Variants in ENPP2 observed in about 807,000 individuals in gnomAD.
The protein encoded by ENPP2 is ectonucleotide pyrophosphatase/phosphodiesterase 2.
Under a neutral mutation model 120.2 loss-of-function variants are expected in ENPP2, and 51 were observed. That is an observed-to-expected ratio of 0.42 (90% CI 0.34 to 0.54). The LOEUF is 0.54. ENPP2 is among the 20% of genes least tolerant of loss of function. The pLI is 0.04. For missense variants in ENPP2, 920 were observed against 1,066.5 expected, an observed-to-expected ratio of 0.86 and a Z score of 1.91; for synonymous variants, 365 against 366.4, an observed-to-expected ratio of 1.00 and a Z score of 0.04.
chr8:119,560,289 A>G (rs939205478), intron 24 of ENPP2, among the ~76,000 whole-genome samples: 2 of 152,174 alleles, frequency 1.3e-5, no homozygotes, highest in Non-Finnish European at 2.9e-5. Context: ...CAAGTTTCTA[A>G]TAAGACTGAA....
chr8:119,617,364 C>T, intron 6 of ENPP2, 102 bp downstream of exon 6: 1 of 1,134,072 alleles, frequency 8.8e-7, no homozygotes, highest in Admixed American at 1.9e-5. Context: ...TAATAAAACA[C>T]ATTTAAAACT....
intron 19 of ENPP2, chr8:119,573,063 G>C (rs574478790): frequency 1.3e-5 from 2 of 152,310 alleles, no homozygotes; most frequent in Non-Finnish European, 2.9e-5. Context: ...TCATGGAAGA[G>C]ACATGAAGAA....
chr8:119,671,697 A>G (rs1818255311), intron 1 of ENPP2, among the ~76,000 whole-genome samples: 1 of 152,180 alleles, frequency 6.6e-6, no homozygotes, highest in South Asian at 2.1e-4. Flanking sequence ...TGGAACATCA[A>G]AGTAGAGACT....
intron 8 of ENPP2, among the ~76,000 whole-genome samples, chr8:119,611,416 T>A (rs1815099706): frequency 6.6e-6 from 1 of 150,894 alleles, no homozygotes; most frequent in African/African-American, 2.4e-5. Flanking sequence ...GGTGTGGGGG[T>A]TGGGGGAGGC....
At chr8:119,570,278 G>GAAAA (rs575977847) in intron 20 of ENPP2, among the ~76,000 whole-genome samples, 3,255 of 76,760 alleles carry the variant, frequency 0.042, 134 homozygotes, top group African/African-American at 0.12. Flanking sequence ...CAAAACATTA[G>GAAAA]AAAAAAAAAA....
At chr8:119,621,649 G>C (rs1447027659) in intron 3 of ENPP2, 130 bp from the exon 4 acceptor site, 1 of 936,028 alleles carries the variant, frequency 1.1e-6, no homozygotes, top group Non-Finnish European at 1.6e-6. Context: ...TGAAATTTGA[G>C]TTGGCTTGAG....
intron 3 of ENPP2, among the ~76,000 whole-genome samples, chr8:119,621,796 G>A (rs972906165): frequency 2.0e-5 from 3 of 152,138 alleles, no homozygotes; most frequent in African/African-American, 2.4e-5. Context: ...TACGATTCTC[G>A]AATTGTCCTA....
intron 9 of ENPP2, among the ~76,000 whole-genome samples, chr8:119,604,665 G>A (rs746627571): frequency 6.6e-5 from 10 of 151,978 alleles, no homozygotes; most frequent in Non-Finnish European, 1.5e-4. Flanking sequence ...TATAGCCCTT[G>A]TCTAGTCAAT....
intron 1 of ENPP2, among the ~76,000 whole-genome samples, chr8:119,668,730 A>G (rs919128835): frequency 6.6e-6 from 1 of 152,296 alleles, no homozygotes; most frequent in African/African-American, 2.4e-5. Context: ...CCCAGCCTCT[A>G]GACTTCTTTT....
intron 1 of ENPP2, among the ~76,000 whole-genome samples, chr8:119,653,833 G>A (rs1295871148): frequency 4.0e-5 from 6 of 151,896 alleles, no homozygotes; most frequent in Non-Finnish European, 7.4e-5. Flanking sequence ...TGAACGTGTG[G>A]CGTAGATGAG....
At position 119,599,353 on chromosome 8, in the gene ENPP2, G is replaced by T. The variant is rs1265953139; in HGVS notation, c.972+1325C>A. The stretch of plus-strand genomic sequence containing the variant: ...ACTTATGACTCCTTGGTCACATGCT[G>T]CAAGTATTGTCAAAATACTTAAGTA... On this transcript the variant is annotated intron_variant, in intron 11 of 24. Transcript: ENST00000075322. Among the ~76,000 whole-genome samples the T allele has an allele frequency of 2.6e-5, 4 of 152,112 alleles. No individual in the cohort carries two copies. In the East Asian group the frequency reaches 7.7e-4, roughly 29 times the overall value.
At chr8:119,568,075 G>T in intron 22 of ENPP2, 100 bp downstream of exon 22, 2 of 732,720 alleles carry the variant, frequency 2.7e-6, no homozygotes, top group African/African-American at 3.6e-5. Flanking sequence ...CACATGAAAA[G>T]TATTCTTATT....
intron 20 of ENPP2, 53 bp from the exon 21 acceptor site, chr8:119,569,423 T>C: frequency 1.3e-6 from 2 of 1,588,606 alleles, no homozygotes; most frequent in Non-Finnish European, 1.7e-6. Context: ...TACGAACGGC[T>C]GAAATCAAAA....
At chr8:119,560,516 G>T (rs1422691184) in intron 24 of ENPP2, among the ~76,000 whole-genome samples, 1 of 152,072 alleles carries the variant, frequency 6.6e-6, no homozygotes, top group Non-Finnish European at 1.5e-5. Context: ...CTTCCTTTTA[G>T]ATCTCCAAGA....
chr8:119,615,090 T>A (rs1815368432), intron 8 of ENPP2, among the ~76,000 whole-genome samples: 1 of 152,180 alleles, frequency 6.6e-6, no homozygotes, highest in South Asian at 2.1e-4. Context: ...AGAAAAAATT[T>A]CTATTTATAG....
chr8:119,601,264 A>G, intron 10 of ENPP2, 133 bp downstream of exon 10: 1 of 641,530 alleles, frequency 1.6e-6, no homozygotes. Flanking sequence ...GGGAAGTAAC[A>G]CTTAAGGCTA....
At chr8:119,636,556 T>C (rs1817011118) in intron 2 of ENPP2, among the ~76,000 whole-genome samples, 1 of 152,234 alleles carries the variant, frequency 6.6e-6, no homozygotes, top group Non-Finnish European at 1.5e-5. Context: ...AGCAAATTCG[T>C]GTAGCCCACT....
chr8:119,642,983 C>A (rs1293932229), upstream of ENPP2, among the ~76,000 whole-genome samples: 1 of 152,072 alleles, frequency 6.6e-6, no homozygotes, highest in Non-Finnish European at 1.5e-5. Context: ...TCTCATTATG[C>A]AGAACTGACA....
At chr8:119,575,822 T>C (rs1489197364) in intron 19 of ENPP2, among the ~76,000 whole-genome samples, 1 of 152,216 alleles carries the variant, frequency 6.6e-6, no homozygotes, top group Non-Finnish European at 1.5e-5. Context: ...TGGCAAAGAA[T>C]ATTGCTAGGT....
Sources: gnomAD v4.1 joint callset for allele counts (sites outside exome capture counted in the v4.1 genomes callset) on GRCh38, gnomAD v4.1.1 for gene constraint, MANE v1.5 for transcripts, NCBI Gene and HGNC (gene_info 2026-07-23, HGNC 2026-07-21) for gene names.